The following CRYBG2 variants were observed in gnomAD, a reference collection of about 807,000 sequenced individuals.
CRYBG2 encodes the protein beta/gamma crystallin domain-containing protein 2.
Under a neutral mutation model 153.4 loss-of-function variants are expected in CRYBG2, and 106 were observed. The ratio of observed to expected loss-of-function variants is 0.69; its 90% confidence interval spans 0.59 to 0.81. The LOEUF is 0.81. Ranked by LOEUF, CRYBG2 falls within the 30% of genes least tolerant of loss-of-function variation. CRYBG2 has a pLI of 0.00. For synonymous variants in CRYBG2, 851 were observed against 877.8 expected, an observed-to-expected ratio of 0.97 and a Z score of 0.54; for missense variants, 1,996 against 2,112.0, an observed-to-expected ratio of 0.95 and a Z score of 1.08.
At chr1:26,333,403 T>C (rs1175624215) in intron 14 of CRYBG2, among the ~76,000 whole-genome samples, 1 of 152,002 alleles carries the variant, frequency 6.6e-6, no homozygotes, top group Non-Finnish European at 1.5e-5. Context: ...CCATCTCTGC[T>C]AAAAATACAA....
intron 1 of CRYBG2, among the ~76,000 whole-genome samples, chr1:26,349,903 C>A (rs1557722595): frequency 6.7e-6 from 1 of 149,654 alleles, no homozygotes; most frequent in Admixed American, 6.7e-5. Context: ...CAACCTCTGC[C>A]TCCTGGGCCC....
chr1:26,328,372 GAC>G, intron 16 of CRYBG2, 40 bp from the exon 17 acceptor site: 4 of 1,551,842 alleles, frequency 2.6e-6, no homozygotes, highest in Non-Finnish European at 3.5e-6. Flanking sequence ...GAAGAGCACA[GAC>G]ACACAGACAG....
At chr1:26,350,496 C>T (rs951262865) in intron 1 of CRYBG2, among the ~76,000 whole-genome samples, 10 of 152,168 alleles carry the variant, frequency 6.6e-5, no homozygotes, top group African/African-American at 2.4e-4. Context: ...TTAGATCATA[C>T]CTTCCCATTT....
intron 15 of CRYBG2, among the ~76,000 whole-genome samples, chr1:26,329,154 A>G (rs1285162564): frequency 6.9e-6 from 1 of 144,234 alleles, no homozygotes; most frequent in African/African-American, 2.6e-5. Context: ...CAGGATGGAA[A>G]CCTGGGGCTT....
intron 14 of CRYBG2, among the ~76,000 whole-genome samples, chr1:26,333,041 A>AAAAAAAAAAAAAAAATT (rs2074015936): frequency 7.0e-6 from 1 of 143,786 alleles, no homozygotes; most frequent in Non-Finnish European, 1.5e-5. Context: ...AAAAAAAAAA[A>AAAAAAAAAAAAAAAATT]AAAAAGATTT....
rs1465682658 is a variant in CRYBG2 at position 26,333,227 on chromosome 1, G to A, written c.4185-1609C>T. 2.6e-5 allele frequency among the ~76,000 whole-genome samples: 4 copies of A among 151,872 alleles called. No homozygotes were observed. The South Asian group carries it at 8.3e-4, about 32-fold the overall frequency. On this transcript the variant is annotated intron_variant, in intron 14 of 19. Coordinates refer to ENST00000308182, the MANE Select transcript of CRYBG2 (RefSeq NM_001039775.4). ...CTTTAGGAGGTAATTCGGTTTAGAG[G>A]GGGTCATGAGGGTGAGACCCCATGA...
At chr1:26,349,489 G>A (rs1424242084) in intron 1 of CRYBG2, among the ~76,000 whole-genome samples, 1 of 152,142 alleles carries the variant, frequency 6.6e-6, no homozygotes, top group African/African-American at 2.4e-5. Context: ...CTCCGTCCTG[G>A]AGGGGTGGGG....
intron 14 of CRYBG2, among the ~76,000 whole-genome samples, chr1:26,332,221 G>A (rs1570176480): frequency 6.6e-6 from 1 of 151,008 alleles, no homozygotes; most frequent in African/African-American, 2.4e-5. Flanking sequence ...GCAGGAGAAT[G>A]GCATGAACCC....
rs980029740 is a variant in CRYBG2, at chr1:26,336,075, C to T, written c.4184+20G>A. 1.4e-6 allele frequency: 2 copies of T among 1,439,624 alleles called. No homozygotes were observed. The highest frequency in any genetic ancestry group is 2.9e-5 in the African/African-American group (2 of 69,508). 89.2% of individuals were successfully genotyped at this position (1,439,624 alleles called of 1,614,324 possible). On this transcript the variant is annotated intron_variant, in intron 14 of 19. Transcript: ENST00000308182. This position sits in a 1 kb window ranked among gnomAD's most constrained non-coding sequence, Gnocchi z 4.9. ...CCTCTGCCCCAGCGCCCCCAGCCCT[C>T]CGCCCCTCCACGTTCTCACCTGCCG...
At chr1:26,339,520 G>A in intron 5 of CRYBG2, 91 bp from the exon 6 acceptor site, 1 of 1,429,924 alleles carries the variant, frequency 7.0e-7, no homozygotes, top group Non-Finnish European at 9.6e-7. Context: ...GGCCGAGGCG[G>A]GCAGATCACC....
chr1:26,341,328 G>A (rs916711001), intron 5 of CRYBG2, among the ~76,000 whole-genome samples: 1 of 151,600 alleles, frequency 6.6e-6, no homozygotes, highest in African/African-American at 2.4e-5. Flanking sequence ...GCAACAGAGC[G>A]AGACTCTGTC....
chr1:26,328,648 G>C, intron 16 of CRYBG2, 86 bp downstream of exon 16: 1 of 1,510,340 alleles, frequency 6.6e-7, no homozygotes, highest in Non-Finnish European at 8.9e-7. Context: ...GGAGGGGAAA[G>C]AGGCCAGAGA....
Position 26,322,169 on chromosome 1 carries a change from A to G in CRYBG2, c.4892T>C (p.Val1631Ala). The G allele has an allele frequency of 6.2e-7, 1 of 1,613,402 alleles. No homozygotes were observed. The highest frequency in any genetic ancestry group is 2.2e-5 in the East Asian group (1 of 44,860). The change falls in exon 19 of 20, where the codon GTG becomes GCG. Residue 1631 changes from valine (V) to alanine (A), a missense_variant. Physicochemically the swap from Val to Ala is moderately conservative, Grantham distance 64. Transcript: ENST00000308182. ...CCCCATACATCCCACCTTACCCTTC[A>G]CGTCCAGGATCTGGCCTTCGAACAT... The part of the protein sequence containing the change: ...SQMFEGQILD[V>A]KGGRGYDRDH...
In CRYBG2 at chr1:26,344,470, C is replaced by T. The variant is rs1488419245; in HGVS notation, c.2188G>A (p.Ala730Thr). The part of the protein sequence containing the change: ...GGTPAPVPTG[A>T]EASTESQLVS... ...AGCTGGGACTCCGTGCTGGCCTCTG[C>T]TCCTGTTGGCACTGGGGCAGGGGTG... is the stretch of plus-strand genomic sequence containing the variant. The change falls in exon 2 of 20, where the codon GCA becomes ACA. Residue 730 changes from alanine (A) to threonine (T), a missense_variant. Ala to Thr is a moderately conservative substitution (Grantham distance 58, BLOSUM62 0). Coordinates refer to ENST00000308182, the MANE Select transcript of CRYBG2 (RefSeq NM_001039775.4). 1 of 1,538,086 alleles carries T rather than the reference C, an allele frequency of 6.5e-7. No individual in the cohort carries two copies. Among genetic ancestry groups the T allele is most frequent in the Non-Finnish European group, 8.8e-7 (1 of 1,140,210 alleles).
chr1:26,347,494 A>G (rs985933029), intron 1 of CRYBG2, among the ~76,000 whole-genome samples: 5 of 146,342 alleles, frequency 3.4e-5, no homozygotes, highest in Admixed American at 3.4e-4. Flanking sequence ...ATTTTTATTT[A>G]TTTATTTTTT....
chr1:26,328,399 G>A, intron 16 of CRYBG2, 67 bp from the exon 17 acceptor site: 1 of 1,534,234 alleles, frequency 6.5e-7, no homozygotes, highest in Non-Finnish European at 8.8e-7. Flanking sequence ...ACAGGTGGAG[G>A]AGGAGACACA....
chr1:26,335,189 T>C (rs1043971984), intron 14 of CRYBG2, among the ~76,000 whole-genome samples: 1 of 151,422 alleles, frequency 6.6e-6, no homozygotes, highest in African/African-American at 2.4e-5. Flanking sequence ...TCAAAACTAC[T>C]GGGGTCGCCG....
intron 5 of CRYBG2, among the ~76,000 whole-genome samples, chr1:26,340,716 G>A (rs573400764): frequency 4.3e-4 from 65 of 152,094 alleles, no homozygotes; most frequent in African/African-American, 1.5e-3. Flanking sequence ...GGGTTCAAGC[G>A]ATTCTCCTGC....
chr1:26,327,046 G>A (rs575914041), intron 17 of CRYBG2: 8 of 470,264 alleles, frequency 1.7e-5, no homozygotes, highest in African/African-American at 1.4e-4. Flanking sequence ...ATAAAAACTG[G>A]GCTGGGGCTG....
Sources: allele counts gnomAD v4.1 joint callset (sites outside exome capture counted in the v4.1 genomes callset), GRCh38; gene constraint gnomAD v4.1.1; non-coding constraint Gnocchi (gnomAD v3.1); transcripts MANE v1.5; gene names NCBI Gene and HGNC (gene_info 2026-07-23, HGNC 2026-07-21).